The following TMEM108 variants were observed in gnomAD, a reference collection of about 807,000 sequenced individuals.
TMEM108 encodes the protein cancer/testis antigen 124.
In TMEM108, 12 loss-of-function variants were observed where a neutral mutation model predicts 35.1. The observed-to-expected ratio is 0.34, with a 90% CI of 0.22 to 0.55. The LOEUF (loss-of-function observed/expected upper bound fraction) is 0.55, where lower values mean the gene tolerates loss of function less well. Among genes scored for constraint, TMEM108 ranks in the 20% least tolerant of loss-of-function variants. The probability of loss-of-function intolerance (pLI) is 0.89; values close to 1 mark genes in which losing one functional copy is unlikely to be tolerated. For missense variants in TMEM108, 680 were observed against 753.3 expected, an observed-to-expected ratio of 0.90 and a Z score of 1.14; for synonymous variants, 287 against 308.6, an observed-to-expected ratio of 0.93 and a Z score of 0.73.
At chr3:133,099,826 A>C (rs1944064395) in intron 2 of TMEM108, among the ~76,000 whole-genome samples, 1 of 152,186 alleles carries the variant, frequency 6.6e-6, no homozygotes, top group Non-Finnish European at 1.5e-5. Context: ...CATTTTTGTC[A>C]AAGCCATTCA....
chr3:133,205,388 C>T (rs1945737530), intron 2 of TMEM108, among the ~76,000 whole-genome samples: 1 of 152,086 alleles, frequency 6.6e-6, no homozygotes, highest in Non-Finnish European at 1.5e-5. Flanking sequence ...GATGCAGTTT[C>T]TTTGTGGAGT....
chr3:133,109,914 G>A (rs987206571), intron 2 of TMEM108, among the ~76,000 whole-genome samples: 11 of 152,070 alleles, frequency 7.2e-5, no homozygotes, highest in Non-Finnish European at 1.2e-4. Context: ...TATATAATAC[G>A]GTACTTAGGA....
chr3:133,177,356 C>G (rs1471953768), intron 2 of TMEM108, among the ~76,000 whole-genome samples: 1 of 152,006 alleles, frequency 6.6e-6, no homozygotes, highest in Non-Finnish European at 1.5e-5. Context: ...GGCAGAGACA[C>G]AACAAAAAAA....
At chr3:133,073,510 C>CTCTCTCTCTCTCTCTCTCTCTATA in intron 2 of TMEM108, among the ~76,000 whole-genome samples, 38 of 43,886 alleles carry the variant, frequency 8.7e-4, no homozygotes, top group Non-Finnish European at 1.1e-3. Flanking sequence ...CTCTCTCTCT[C>CTCTCTCTCTCTCTCTCTCTCTATA]TATATATATA....
intron 4 of TMEM108, among the ~76,000 whole-genome samples, chr3:133,381,390 G>A (rs538161040): frequency 6.6e-6 from 1 of 152,322 alleles, no homozygotes; most frequent in South Asian, 2.1e-4. Flanking sequence ...AGGAGCTGGG[G>A]GAGGACCTTA....
chr3:133,094,903 G>A (rs1174311462), intron 2 of TMEM108, among the ~76,000 whole-genome samples: 1 of 152,042 alleles, frequency 6.6e-6, no homozygotes, highest in Non-Finnish European at 1.5e-5. Context: ...TCCTCTGAGG[G>A]TTTAATTTGT....
At chr3:133,323,998 C>T (rs888973698) in intron 3 of TMEM108, among the ~76,000 whole-genome samples, 20 of 152,070 alleles carry the variant, frequency 1.3e-4, no homozygotes, top group Non-Finnish European at 2.4e-4. Flanking sequence ...GCTGGATTCT[C>T]CTCTCTCACC....
chr3:133,388,011 T>C (rs2073179477), intron 4 of TMEM108: 13 of 985,480 alleles, frequency 1.3e-5, no homozygotes, highest in Non-Finnish European at 1.6e-5. Context: ...GTGTTCTGTG[T>C]CTATGGCAGT....
At chr3:133,288,462 C>T (rs1947015665) in intron 3 of TMEM108, among the ~76,000 whole-genome samples, 1 of 152,172 alleles carries the variant, frequency 6.6e-6, no homozygotes, top group Admixed American at 6.5e-5. Flanking sequence ...ATAATGTGTT[C>T]TCCATGGGGG....
chr3:133,094,129 T>C (rs549169388), intron 2 of TMEM108, among the ~76,000 whole-genome samples: 12 of 152,188 alleles, frequency 7.9e-5, no homozygotes, highest in African/African-American at 2.4e-4. Context: ...TGTGAAGATA[T>C]GCAGGTCTGT....
chr3:133,152,044 C>G (rs189736404), intron 2 of TMEM108, among the ~76,000 whole-genome samples: 4 of 152,112 alleles, frequency 2.6e-5, no homozygotes, highest in Admixed American at 6.6e-5. Flanking sequence ...TCTGAGACTT[C>G]CGTTGACCAA....
intron 2 of TMEM108, among the ~76,000 whole-genome samples, chr3:133,138,704 A>G (rs114285924): frequency 6.6e-6 from 1 of 151,858 alleles, no homozygotes; most frequent in Non-Finnish European, 1.5e-5. Context: ...ATTTTATGCC[A>G]CCTTTTTGCA....
chr3:133,094,007 G>A (rs1355681523), intron 2 of TMEM108, among the ~76,000 whole-genome samples: 1 of 152,230 alleles, frequency 6.6e-6, no homozygotes, highest in East Asian at 1.9e-4. Flanking sequence ...GATTAACAAG[G>A]CCTGAGGAAC....
At chr3:133,190,494 A>G (rs1389847436) in intron 2 of TMEM108, among the ~76,000 whole-genome samples, 1 of 152,220 alleles carries the variant, frequency 6.6e-6, no homozygotes, top group East Asian at 1.9e-4. Context: ...ATTAATCTAT[A>G]TTGAATGTTA....
chr3:133,042,572 TA>T (rs983575063), intron 1 of TMEM108, among the ~76,000 whole-genome samples: 55 of 152,364 alleles, frequency 3.6e-4, no homozygotes, highest in African/African-American at 1.3e-3. Context: ...AAATTATTTA[TA>T]AAATATTTTC....
intron 3 of TMEM108, among the ~76,000 whole-genome samples, chr3:133,310,764 TATG>T (rs1325019446): frequency 6.6e-6 from 1 of 152,054 alleles, no homozygotes; most frequent in Non-Finnish European, 1.5e-5. Flanking sequence ...ATGTTGTCAT[TATG>T]ATGTTTGCTG....
At chr3:133,241,800 G>A (rs1946317904) in intron 3 of TMEM108, among the ~76,000 whole-genome samples, 1 of 151,890 alleles carries the variant, frequency 6.6e-6, no homozygotes, top group African/African-American at 2.4e-5. Flanking sequence ...TTTTAGTAGA[G>A]ACAGAGTTTT....
chr3:133,104,151 TTAA>T (rs1178882120), intron 2 of TMEM108, among the ~76,000 whole-genome samples: 2 of 95,156 alleles, frequency 2.1e-5, no homozygotes, highest in Non-Finnish European at 6.0e-5. Flanking sequence ...GGATATTTTC[TTAA>T]CTTCTCTTAG....
intron 2 of TMEM108, among the ~76,000 whole-genome samples, chr3:133,182,048 T>C (rs1945353489): frequency 1.3e-5 from 2 of 152,232 alleles, no homozygotes; most frequent in East Asian, 3.8e-4. Flanking sequence ...CCCTATCTCA[T>C]AGTCTGCCCT....
Sources: gnomAD v4.1 joint callset for allele counts (sites outside exome capture counted in the v4.1 genomes callset) on GRCh38, gnomAD v4.1.1 for gene constraint, MANE v1.5 for transcripts, NCBI Gene and HGNC (gene_info 2026-07-23, HGNC 2026-07-21) for gene names.